DIAPH3: variants seen among roughly 807,000 people sequenced by gnomAD.
The protein encoded by DIAPH3 is diaphanous related formin 3, also known as protein diaphanous homolog 3.
A neutral mutation model predicts 144.3 loss-of-function variants in DIAPH3; 117 were observed. The ratio of observed to expected loss-of-function variants is 0.81; its 90% CI spans 0.70 to 0.95. The LOEUF (loss-of-function observed/expected upper bound fraction) is 0.95. Ranked by LOEUF, DIAPH3 falls within the 40% of genes least tolerant of loss-of-function variation. DIAPH3 has a pLI of 0.00. For synonymous variants in DIAPH3, 519 were observed against 488.9 expected (o/e 1.06, Z -0.81); for missense variants, 1,421 against 1,412.7 (o/e 1.01, Z -0.09).
intron 20 of DIAPH3, among the ~76,000 whole-genome samples, chr13:59,890,025 A>C (rs1393332884): frequency 1.3e-5 from 2 of 152,130 alleles, no homozygotes; most frequent in Non-Finnish European, 2.9e-5. Flanking sequence ...TGAAGTGTTA[A>C]GATGATCTCT....
At chr13:59,905,793 G>A (rs2046704978) in intron 20 of DIAPH3, among the ~76,000 whole-genome samples, 2 of 152,300 alleles carry the variant, frequency 1.3e-5, no homozygotes, top group South Asian at 2.1e-4. Context: ...GCTGAACCAT[G>A]AGCCAAGAAA....
At chr13:59,682,638 A>C (rs891431402) in intron 27 of DIAPH3, among the ~76,000 whole-genome samples, 4 of 152,136 alleles carry the variant, frequency 2.6e-5, no homozygotes, top group African/African-American at 9.7e-5. Context: ...ACTCTATATA[A>C]AATACTGCAT....
At chr13:60,091,576 C>T (rs1439504264) in intron 4 of DIAPH3, among the ~76,000 whole-genome samples, 1 of 151,914 alleles carries the variant, frequency 6.6e-6, no homozygotes, top group Non-Finnish European at 1.5e-5. Flanking sequence ...GCGTGAGCCA[C>T]CACACCTGGC....
intron 4 of DIAPH3, among the ~76,000 whole-genome samples, chr13:60,052,368 TG>T (rs1041086766): frequency 1.3e-5 from 2 of 152,008 alleles, no homozygotes; most frequent in Non-Finnish European, 2.9e-5. Flanking sequence ...TGAGATTGGG[TG>T]AAAAAACAAA....
chr13:60,003,630 G>C (rs921423747), intron 9 of DIAPH3, among the ~76,000 whole-genome samples: 2 of 151,788 alleles, frequency 1.3e-5, no homozygotes, highest in African/African-American at 4.8e-5. Context: ...CTGGAGTGCA[G>C]TGGCGCGATC....
chr13:59,990,544 G>C (rs2051743410), intron 12 of DIAPH3, among the ~76,000 whole-genome samples: 1 of 151,764 alleles, frequency 6.6e-6, no homozygotes, highest in Non-Finnish European at 1.5e-5. Context: ...ATATGCCAAG[G>C]GTTTGGCTAG....
intron 22 of DIAPH3, among the ~76,000 whole-genome samples, chr13:59,860,199 A>AT (rs572163597): frequency 6.6e-6 from 1 of 152,024 alleles, no homozygotes; most frequent in Non-Finnish European, 1.5e-5. Flanking sequence ...GATAAAATTA[A>AT]TTTTTTTTAA....
intron 27 of DIAPH3, among the ~76,000 whole-genome samples, chr13:59,710,728 T>C (rs749781985): frequency 6.6e-6 from 1 of 152,220 alleles, no homozygotes; most frequent in Non-Finnish European, 1.5e-5. Context: ...GTATCAGGCC[T>C]TTTCAACAAA....
intron 27 of DIAPH3, among the ~76,000 whole-genome samples, chr13:59,724,047 C>T (rs184457156): frequency 6.6e-6 from 1 of 150,814 alleles, no homozygotes; most frequent in East Asian, 1.9e-4. Flanking sequence ...CTATTATACA[C>T]TGTGAGGGGC....
intron 3 of DIAPH3, among the ~76,000 whole-genome samples, 185 bp from the exon 4 acceptor site, chr13:60,093,917 T>A (rs751992234): frequency 6.6e-6 from 1 of 152,208 alleles, no homozygotes; most frequent in Non-Finnish European, 1.5e-5. Flanking sequence ...GAAGAAAGTA[T>A]TCTAGATCAT....
intron 2 of DIAPH3, among the ~76,000 whole-genome samples, chr13:60,123,496 A>G (rs2058902209): frequency 6.6e-6 from 1 of 152,170 alleles, no homozygotes; most frequent in African/African-American, 2.4e-5. Flanking sequence ...ACTATCCTAT[A>G]AATATTTAAA....
rs149656541 is a variant in DIAPH3 at position 60,099,213 on chromosome 13, T to C, written c.391-5481A>G. Among the ~76,000 whole-genome samples the C allele has an allele frequency of 2.3e-3, 343 of 152,256 alleles. 3 individuals carry two copies. Among genetic ancestry groups the C allele is most frequent in the African/African-American group, 7.9e-3 (330 of 41,546 alleles). On this transcript the variant is annotated intron_variant, in intron 3 of 27. Coordinates refer to ENST00000400324, the MANE Select transcript of DIAPH3 (RefSeq NM_001042517.2). ...ATGGGGTTATGTCCCAAAAAAGCCATTAAAAATTGAAATGCAGAAATGCAT... is the reference window on the plus strand; with the variant it reads ...ATGGGGTTATGTCCCAAAAAAGCCACTAAAAATTGAAATGCAGAAATGCAT...
chr13:59,725,925 T>C (rs778550839), intron 27 of DIAPH3, among the ~76,000 whole-genome samples: 7 of 152,106 alleles, frequency 4.6e-5, no homozygotes, highest in Admixed American at 1.3e-4. Flanking sequence ...AGGGGAAAAA[T>C]AGCATCATAT....
chr13:59,949,566 T>C (rs757865071), intron 17 of DIAPH3, among the ~76,000 whole-genome samples: 1 of 152,174 alleles, frequency 6.6e-6, no homozygotes, highest in Non-Finnish European at 1.5e-5. Context: ...CCTGTTTTAA[T>C]AAATGAAGTA....
intron 17 of DIAPH3, among the ~76,000 whole-genome samples, chr13:59,925,185 G>T (rs73543298): frequency 6.6e-6 from 1 of 152,030 alleles, no homozygotes; most frequent in Non-Finnish European, 1.5e-5. Flanking sequence ...CATTTGAATA[G>T]CATACAGGAT....
chr13:59,826,315 T>G (rs1444861674), intron 24 of DIAPH3, among the ~76,000 whole-genome samples: 10 of 100,342 alleles, frequency 1.0e-4, no homozygotes, highest in East Asian at 9.9e-4. Flanking sequence ...CTTAAGCTGA[T>G]AAGCAACTTC....
chr13:60,104,566 GCACA>G (rs10633554), intron 3 of DIAPH3, among the ~76,000 whole-genome samples: 101 of 147,120 alleles, frequency 6.9e-4, no homozygotes, highest in Non-Finnish European at 1.1e-3. Context: ...CAGTATCAAG[GCACA>G]CACACACACA....
Position 59,701,765 on chromosome 13 carries a change from T to C in DIAPH3, c.3320-34919A>G, listed in dbSNP as rs560005608. On this transcript the variant is annotated intron_variant, in intron 27 of 27. Coordinates refer to ENST00000400324, the MANE Select transcript of DIAPH3 (RefSeq NM_001042517.2). ...CTTGAAGATCACATACACACATACA[T>C]AAACATACTAACTCAATGGCCATAC... 3.3e-5 allele frequency among the ~76,000 whole-genome samples: 5 copies of C among 152,298 alleles called. No individual in the cohort carries two copies. In the East Asian group the frequency reaches 7.7e-4, roughly 24 times the overall value.
chr13:60,140,685 T>C (rs899221112), intron 1 of DIAPH3, among the ~76,000 whole-genome samples: 1 of 152,126 alleles, frequency 6.6e-6, no homozygotes, highest in African/African-American at 2.4e-5. Context: ...GTTGTCTCAA[T>C]AAGCATATTT....
Sources: gnomAD v4.1 joint callset for allele counts (sites outside exome capture counted in the v4.1 genomes callset) on GRCh38, gnomAD v4.1.1 for gene constraint, MANE v1.5 for transcripts, NCBI Gene and HGNC (gene_info 2026-07-23, HGNC 2026-07-21) for gene names.